Variants in MYO1H observed in about 807,000 individuals in gnomAD.
The protein encoded by MYO1H is myosin IH.
Under a neutral mutation model 149.3 loss-of-function variants are expected in MYO1H, and 118 were observed. That is an observed-to-expected ratio of 0.79 (90% CI 0.68 to 0.92). The LOEUF is 0.92. Ranked by LOEUF, MYO1H falls within the 40% of genes least tolerant of loss-of-function variation. The probability of loss-of-function intolerance (pLI) is 0.00; values close to 1 mark genes in which losing one functional copy is unlikely to be tolerated. For synonymous variants in MYO1H, 447 were observed against 465.2 expected (o/e 0.96, Z 0.50); for missense variants, 1,212 against 1,280.7 (o/e 0.95, Z 0.82).
chr12:109,439,353 A>G (rs1872008458), intron 23 of MYO1H, among the ~76,000 whole-genome samples: 1 of 152,242 alleles, frequency 6.6e-6, no homozygotes, highest in Non-Finnish European at 1.5e-5. Flanking sequence ...TGCTGGGATT[A>G]CAGGCATGAG....
intron 19 of MYO1H, among the ~76,000 whole-genome samples, chr12:109,428,718 C>G (rs1385525902): frequency 1.3e-5 from 2 of 152,102 alleles, no homozygotes; most frequent in Non-Finnish European, 2.9e-5. Flanking sequence ...CCATTTTTGC[C>G]CATCCGCTAC....
intron 23 of MYO1H, among the ~76,000 whole-genome samples, chr12:109,439,012 G>A (rs1871990977): frequency 6.6e-6 from 1 of 152,238 alleles, no homozygotes; most frequent in Admixed American, 6.5e-5. Flanking sequence ...GTGGGGAAAT[G>A]TAGCCAGATG....
At chr12:109,443,596 A>T (rs1225182010) in exon 28 of MYO1H, 1 of 1,613,782 alleles carries the variant, frequency 6.2e-7, no homozygotes, top group African/African-American at 1.3e-5. Flanking sequence ...AAAGCAGCTT[A>T]CGTGGTGGAA....
At position 109,395,745 on chromosome 12, in the gene MYO1H, A is replaced by AAG. The variant is rs1555251005; in HGVS notation, c.291-638_291-637insGA. ...GCGAGACTCCATCTCAAAAAAAAAA[A>AAG]AAAATTCTCAAATTCTTCCTTTTAG... On this transcript the variant is annotated intron_variant, in intron 3 of 31. Transcript: ENST00000310903. 1.2e-3 allele frequency among the ~76,000 whole-genome samples: 175 copies of AAG among 151,574 alleles called. 4 individuals carry two copies. The highest frequency in any genetic ancestry group is 3.9e-3 in the African/African-American group (163 of 41,390).
intron 5 of MYO1H, among the ~76,000 whole-genome samples, chr12:109,400,670 T>C (rs1870123533): frequency 6.6e-6 from 1 of 152,172 alleles, no homozygotes; most frequent in Admixed American, 6.5e-5. Context: ...CCAGAAAGGA[T>C]AGAGTTCACA....
chr12:109,338,661 G>A, the MYO1H span, among the ~76,000 whole-genome samples: 3 of 151,352 alleles, frequency 2.0e-5, no homozygotes, highest in Non-Finnish European at 2.9e-5. Flanking sequence ...CCAGCTACTC[G>A]GGAGGCTGAA....
At position 109,404,084 on chromosome 12, in the gene MYO1H, C is replaced by T. The variant is rs564351716; in HGVS notation, c.849+4C>T. The T allele has an allele frequency of 2.5e-5, 41 of 1,608,744 alleles. No homozygotes were observed. The highest frequency in any genetic ancestry group is 5.0e-5 in the Admixed American group (3 of 59,790). Reference sequence around the variant, plus strand: ...TTTTACTGAAGCTGACCTCGAGGTACGTGCTTTTGCAGCAGAACTGATAGT... The same window carrying T: ...TTTTACTGAAGCTGACCTCGAGGTATGTGCTTTTGCAGCAGAACTGATAGT... On this transcript the variant is annotated splice_donor_region_variant and intron_variant, in intron 7 of 31. Transcript: ENST00000310903.
Position 109,440,733 on chromosome 12 carries a change from T to C in MYO1H, c.2455-11T>C. On this transcript the variant is annotated splice_polypyrimidine_tract_variant and intron_variant, in intron 24 of 31. Coordinates refer to ENST00000310903, the Ensembl canonical transcript of MYO1H. The stretch of plus-strand genomic sequence containing the variant: ...GTGAGGCAAGTGGAAAGAAGTGTGT[T>C]CTCCACACAGGCATCAGATCTGCTC... 6.4e-7 allele frequency: 1 copy of C among 1,555,260 alleles called. No homozygotes were observed. Among genetic ancestry groups the C allele is most frequent in the Non-Finnish European group, 8.7e-7 (1 of 1,148,366 alleles).
At chr12:109,330,412 A>T in the MYO1H span, among the ~76,000 whole-genome samples, 1 of 152,142 alleles carries the variant, frequency 6.6e-6, no homozygotes, top group African/African-American at 2.4e-5. Context: ...TTGGCTAACG[A>T]TGTATATCTG....
chr12:109,401,746 TTTTC>T (rs1237829094), intron 6 of MYO1H, among the ~76,000 whole-genome samples: 1 of 152,050 alleles, frequency 6.6e-6, no homozygotes, highest in Non-Finnish European at 1.5e-5. Context: ...ACCTTTTTTT[TTTTC>T]TTTTTTTGGG....
chr12:109,423,207 A>G (rs968181552), intron 16 of MYO1H, among the ~76,000 whole-genome samples: 1 of 152,078 alleles, frequency 6.6e-6, no homozygotes, highest in African/African-American at 2.4e-5. Context: ...CACCCAGGCT[A>G]GAGTACAGTG....
chr12:109,345,626 T>G (rs567117655), upstream of MYO1H, among the ~76,000 whole-genome samples: 1 of 152,114 alleles, frequency 6.6e-6, no homozygotes, highest in Admixed American at 6.5e-5. Context: ...CCAAGAGAAA[T>G]GAAAACAAGT....
rs571733929 is a variant in MYO1H at position 109,446,406 on chromosome 12, A to T, written c.3094-753A>T. 38 of 985,368 alleles carry T rather than the reference A, an allele frequency of 3.9e-5. No individual in the cohort carries two copies. In the African/African-American group the frequency reaches 6.6e-4, roughly 17 times the overall value. 61.0% of individuals were successfully genotyped at this position (985,368 alleles called of 1,614,324 possible). A position where few individuals can be genotyped will look rare whatever the true frequency, so the allele number is the denominator to read the frequency against. On this transcript the variant is annotated intron_variant, in intron 31 of 31. Coordinates refer to ENST00000310903, the Ensembl canonical transcript of MYO1H. ...GGAAGAATTTTGATACAAATTAATT[A>T]AAAAATGGTCTGTGAACATGGAGTG...
At chr12:109,417,188 T>C (rs1870950142) in intron 15 of MYO1H, among the ~76,000 whole-genome samples, 1 of 152,042 alleles carries the variant, frequency 6.6e-6, no homozygotes, top group African/African-American at 2.4e-5. Context: ...AAAATATATA[T>C]GTTAACTCTA....
intron 2 of MYO1H, among the ~76,000 whole-genome samples, chr12:109,389,091 G>A (rs374430784): frequency 3.3e-5 from 5 of 152,084 alleles, no homozygotes; most frequent in African/African-American, 4.8e-5. Flanking sequence ...TGTAGGTCCC[G>A]GGACTAGATC....
At chr12:109,396,925 T>C (rs1244693227) in intron 4 of MYO1H, among the ~76,000 whole-genome samples, 1 of 145,086 alleles carries the variant, frequency 6.9e-6, no homozygotes, top group Non-Finnish European at 1.5e-5. Context: ...CCTCCTGAGT[T>C]TAAGCAATTC....
intron 21 of MYO1H, among the ~76,000 whole-genome samples, 178 bp downstream of exon 21, chr12:109,435,291 G>C (rs376336056): frequency 6.6e-6 from 1 of 152,184 alleles, no homozygotes; most frequent in African/African-American, 2.4e-5. Flanking sequence ...ATGACTGCTT[G>C]GAGGTCAGTC....
the MYO1H span, among the ~76,000 whole-genome samples, chr12:109,313,212 A>C: frequency 6.6e-6 from 1 of 152,060 alleles, no homozygotes; most frequent in Non-Finnish European, 1.5e-5. Flanking sequence ...GCACTACTGC[A>C]CTCCAGCCTG....
chr12:109,442,997 G>GGA (rs1435648565), intron 27 of MYO1H, among the ~76,000 whole-genome samples: 2 of 67,802 alleles, frequency 2.9e-5, no homozygotes, highest in African/African-American at 1.2e-4. Flanking sequence ...AGAGAGCCAG[G>GGA]AAAAAAAAAA....
Sources: gnomAD v4.1 joint callset for allele counts (sites outside exome capture counted in the v4.1 genomes callset) on GRCh38, gnomAD v4.1.1 for gene constraint, MANE v1.5 for transcripts, NCBI Gene and HGNC (gene_info 2026-07-23, HGNC 2026-07-21) for gene names.